RASGRF1: variants seen among roughly 807,000 people sequenced by gnomAD.
RASGRF1 encodes ras-specific guanine nucleotide-releasing factor 1.
Under a neutral mutation model 138.7 loss-of-function variants are expected in RASGRF1, and 40 were observed. The ratio of observed to expected loss-of-function variants is 0.29; its 90% confidence interval spans 0.22 to 0.38. The LOEUF is 0.38. Ranked by LOEUF, RASGRF1 falls within the 10% of genes least tolerant of loss-of-function variation. The pLI is 1.00. For synonymous variants in RASGRF1, 614 were observed against 663.2 expected, an observed-to-expected ratio of 0.93 and a Z score of 1.14; for missense variants, 1,108 against 1,650.4, an observed-to-expected ratio of 0.67 and a Z score of 5.69.
At chr15:78,965,741 C>T (rs998658772) in intron 26 of RASGRF1, among the ~76,000 whole-genome samples, 2 of 152,154 alleles carry the variant, frequency 1.3e-5, no homozygotes, top group African/African-American at 4.8e-5. Flanking sequence ...ATCACAGCTA[C>T]TTGGGAGGCT....
intron 26 of RASGRF1, among the ~76,000 whole-genome samples, chr15:78,967,882 A>T (rs1355601955): frequency 6.6e-6 from 1 of 152,188 alleles, no homozygotes. Context: ...ACATTCTCTT[A>T]CATAACCATA....
chr15:79,087,046 A>G (rs1769876285), intron 1 of RASGRF1, among the ~76,000 whole-genome samples: 1 of 152,240 alleles, frequency 6.6e-6, no homozygotes, highest in African/African-American at 2.4e-5. Context: ...ATGAGGCCTT[A>G]GGATCCTAGG....
rs752084492 is a variant in RASGRF1, at chr15:79,069,635, T to A, written c.277-5109A>T. On this transcript the variant is annotated intron_variant, in intron 1 of 26. Transcript: ENST00000558480. ...GCAGCAGTCGGACAGAAAGAGATAT[T>A]TTGGTGATGGTATCAGAATAGTAAA... Among the ~76,000 whole-genome samples the A allele has an allele frequency of 2.6e-5, 4 of 152,290 alleles. No homozygotes were observed. The South Asian group carries it at 6.2e-4, about 24-fold the overall frequency.
At chr15:79,023,910 C>A (rs1469700249) in intron 10 of RASGRF1, among the ~76,000 whole-genome samples, 4 of 151,904 alleles carry the variant, frequency 2.6e-5, no homozygotes, top group Non-Finnish European at 1.5e-5. Flanking sequence ...TCACACACAC[C>A]ACACACAGAC....
At chr15:79,076,469 T>A (rs1459415015) in intron 1 of RASGRF1, among the ~76,000 whole-genome samples, 1 of 152,228 alleles carries the variant, frequency 6.6e-6, no homozygotes, top group Non-Finnish European at 1.5e-5. Flanking sequence ...TGGTCCTGGA[T>A]GCAGCTGACT....
At chr15:78,969,886 C>A (rs2055716626) in intron 26 of RASGRF1, among the ~76,000 whole-genome samples, 1 of 152,142 alleles carries the variant, frequency 6.6e-6, no homozygotes, top group South Asian at 2.1e-4. Context: ...CAAGAGCCTA[C>A]TATAGTGCTT....
At chr15:79,059,044 A>G (rs2057548555) in intron 2 of RASGRF1, among the ~76,000 whole-genome samples, 1 of 152,102 alleles carries the variant, frequency 6.6e-6, no homozygotes, top group Non-Finnish European at 1.5e-5. Flanking sequence ...CGTCCGCCTC[A>G]TCTGCAGGCT....
Position 79,032,331 on chromosome 15 carries a change from C to G in RASGRF1, c.959-15G>C. ...AAATAGGTCAGCTGGAAGGACGAGG[C>G]AGTCAGCGGGTGGCTAGGGCAGCTT... On this transcript the variant is annotated splice_polypyrimidine_tract_variant and intron_variant, in intron 6 of 26. Transcript: ENST00000558480. This position sits in a 1 kb window ranked among gnomAD's most constrained non-coding sequence, Gnocchi z 4.5. 6.2e-7 allele frequency: 1 copy of G among 1,612,952 alleles called. No homozygotes were observed. The highest frequency in any genetic ancestry group is 8.5e-7 in the Non-Finnish European group (1 of 1,179,322).
In RASGRF1 at chr15:78,985,188, G is replaced by A; in HGVS notation, c.3233C>T (p.Ala1078Val). The change falls in exon 23 of 27, where the codon GCT becomes GTT. Residue 1078 changes from alanine to valine, a missense_variant. Transcript: ENST00000558480. ...GTCCTCATTGCGGATGATTTCTGAA[G>A]CAATCAAGTTACTGATCTTTAAGCC... ...KHFNDISNLI[A>V]SEIIRNEDIN... 6.2e-7 allele frequency: 1 copy of A among 1,607,972 alleles called. No homozygotes were observed. The highest frequency in any genetic ancestry group is 8.5e-7 in the Non-Finnish European group (1 of 1,174,506).
At chr15:79,063,942 C>T (rs2057642325) in intron 2 of RASGRF1, among the ~76,000 whole-genome samples, 1 of 152,172 alleles carries the variant, frequency 6.6e-6, no homozygotes, top group Admixed American at 6.5e-5. Context: ...GCACTTACTG[C>T]TGGAGCAGAG....
chr15:79,089,840 G>C (rs1194854444), intron 1 of RASGRF1, among the ~76,000 whole-genome samples: 1 of 152,194 alleles, frequency 6.6e-6, no homozygotes, highest in Non-Finnish European at 1.5e-5. Context: ...GGGGCTATTA[G>C]GGCTGGGCGG....
chr15:79,068,986 G>A (rs1251075633), intron 1 of RASGRF1, among the ~76,000 whole-genome samples: 1 of 152,118 alleles, frequency 6.6e-6, no homozygotes, highest in Non-Finnish European at 1.5e-5. Flanking sequence ...CACAGGCCTG[G>A]CCGGGCTTAG....
chr15:79,022,599 C>T (rs1252684110), intron 10 of RASGRF1, among the ~76,000 whole-genome samples: 2 of 152,132 alleles, frequency 1.3e-5, no homozygotes, highest in East Asian at 3.8e-4. Flanking sequence ...CCTCCACTGA[C>T]CCCCGCCACA....
intron 1 of RASGRF1, among the ~76,000 whole-genome samples, chr15:79,067,479 C>G (rs2057695273): frequency 1.3e-5 from 2 of 152,250 alleles, no homozygotes; most frequent in Admixed American, 1.3e-4. Context: ...AGCAGCATCA[C>G]TGAAGCCAGA....
chr15:79,015,480 CA>C, intron 12 of RASGRF1, 71 bp from the exon 13 acceptor site: 1 of 1,401,096 alleles, frequency 7.1e-7, no homozygotes, highest in South Asian at 1.2e-5. Context: ...GGAGCTCTGC[CA>C]ACTGTAAAGT....
chr15:79,009,601 A>C (rs2141738227), intron 13 of RASGRF1, among the ~76,000 whole-genome samples: 1 of 152,308 alleles, frequency 6.6e-6, no homozygotes, highest in South Asian at 2.1e-4. Context: ...CTGCCACCGG[A>C]AGGGGAAGAG....
chr15:79,022,309 G>A (rs960234862), intron 10 of RASGRF1, among the ~76,000 whole-genome samples: 10 of 152,022 alleles, frequency 6.6e-5, no homozygotes, highest in East Asian at 1.9e-4. Context: ...GCATGGTAGC[G>A]GGTGCCTATA....
At chr15:79,005,549 C>CT in intron 14 of RASGRF1, 1 of 985,796 alleles carries the variant, frequency 1.0e-6, no homozygotes, top group Non-Finnish European at 1.2e-6. Context: ...TGAACTTGGC[C>CT]TACTGCTGGA....
intron 26 of RASGRF1, 135 bp from the exon 27 acceptor site, chr15:78,962,371 T>C: frequency 9.9e-6 from 6 of 608,760 alleles, no homozygotes; most frequent in Non-Finnish European, 1.8e-5. Context: ...CAAAAATGCA[T>C]TCAGTAGTGT....
Sources: gnomAD v4.1 joint callset for allele counts (sites outside exome capture counted in the v4.1 genomes callset) on GRCh38, gnomAD v4.1.1 for gene constraint, Gnocchi (gnomAD v3.1) non-coding constraint, MANE v1.5 for transcripts, NCBI Gene and HGNC (gene_info 2026-07-23, HGNC 2026-07-21) for gene names.